The following ACOX1 variants were observed in gnomAD, a reference collection of about 807,000 sequenced individuals.
ACOX1 encodes the protein acyl-CoA oxidase 1, also known as peroxisomal acyl-coenzyme A oxidase 1.
ACOX1 carries 41 observed loss-of-function variants against 75.5 expected under a neutral mutation model. The observed-to-expected ratio is 0.54, with a 90% confidence interval of 0.42 to 0.70. The LOEUF (loss-of-function observed/expected upper bound fraction) is 0.70, where lower values mean the gene tolerates loss of function less well. ACOX1 is among the 30% of genes least tolerant of loss of function. The pLI is 0.00. For synonymous variants in ACOX1, 303 were observed against 298.8 expected, an observed-to-expected ratio of 1.01 and a Z score of -0.15; for missense variants, 630 against 837.5, an observed-to-expected ratio of 0.75 and a Z score of 3.06.
At chr17:75,975,898 A>G (rs76807558) in intron 2 of ACOX1, among the ~76,000 whole-genome samples, 3,043 of 150,958 alleles carry the variant, frequency 0.02, 91 homozygotes, top group African/African-American at 0.069. Context: ...AAAGAAAAAG[A>G]AAGAGGAAGA....
intron 2 of ACOX1, among the ~76,000 whole-genome samples, chr17:75,967,193 GGGCGTGGT>G (rs1168006452): frequency 3.3e-5 from 5 of 151,988 alleles, no homozygotes; most frequent in African/African-American, 1.2e-4. Flanking sequence ...AGAAGAGGCC[GGGCGTGGT>G]GGCTCACGCC....
At chr17:75,953,661 C>G (rs1427049067) in intron 6 of ACOX1, 41 bp from the exon 7 acceptor site, 2 of 1,611,244 alleles carry the variant, frequency 1.2e-6, no homozygotes, top group African/African-American at 1.3e-5. Flanking sequence ...TTCTTTTAAG[C>G]CCAAGAGGCA....
chr17:75,966,839 TAGA>T (rs1487797054), intron 2 of ACOX1, among the ~76,000 whole-genome samples: 1 of 151,982 alleles, frequency 6.6e-6, no homozygotes, highest in African/African-American at 2.4e-5. Flanking sequence ...AAATTTATGT[TAGA>T]AGAAAAACAA....
intron 7 of ACOX1, 36 bp from the exon 8 acceptor site, chr17:75,951,613 A>C: frequency 1.9e-6 from 3 of 1,607,484 alleles, no homozygotes; most frequent in Non-Finnish European, 2.6e-6. Context: ...AGTAGTAAGT[A>C]AATGTTTATA....
At chr17:75,953,265 G>C (rs1163847704) in intron 7 of ACOX1, 186 bp downstream of exon 7, 3 of 600,446 alleles carry the variant, frequency 5.0e-6, no homozygotes, top group African/African-American at 1.9e-5. Context: ...TTATAGCAAG[G>C]GTGGTTATTT....
At chr17:75,963,165 A>C (rs2065901469) in intron 2 of ACOX1, among the ~76,000 whole-genome samples, 1 of 152,050 alleles carries the variant, frequency 6.6e-6, no homozygotes, top group Non-Finnish European at 1.5e-5. Context: ...CAGACACTGG[A>C]GGCTCCAGAA....
At chr17:75,946,881 T>C in intron 13 of ACOX1, 86 bp from the exon 14 acceptor site, 1 of 1,325,150 alleles carries the variant, frequency 7.5e-7, no homozygotes, top group South Asian at 1.2e-5. Context: ...TTTTTGTTTT[T>C]TTTTTGAGAC....
chr17:75,970,450 G>A (rs2065983869), intron 2 of ACOX1, among the ~76,000 whole-genome samples: 1 of 152,116 alleles, frequency 6.6e-6, no homozygotes, highest in Non-Finnish European at 1.5e-5. Context: ...CTTTGATTAT[G>A]GCTCCCAGAC....
chr17:75,953,501 G>A lies in ACOX1; in HGVS notation c.894C>T (p.Thr298=), dbSNP rs1292535240. 1 of 1,614,134 alleles carries A rather than the reference G, an allele frequency of 6.2e-7. No homozygotes were observed. The highest frequency in any genetic ancestry group is 2.2e-5 in the East Asian group (1 of 44,886). The part of the protein sequence containing the change: ...EAARALSKAC[T]IAIRYSAVRH... The stretch of plus-strand genomic sequence containing the variant: ...TCACAGCGCTGTATCGGATGGCAAT[G>A]GTGCACGCCTTAGACAGAGCCCGAG... Residue 298 remains threonine (T), a synonymous_variant, in exon 7 of 14, where the codon ACC becomes ACT. Coordinates refer to ENST00000293217, the MANE Select transcript of ACOX1 (RefSeq NM_004035.7).
At chr17:75,959,395 A>G (rs1271476044) in intron 3 of ACOX1, among the ~76,000 whole-genome samples, 1 of 152,252 alleles carries the variant, frequency 6.6e-6, no homozygotes, top group Non-Finnish European at 1.5e-5. Flanking sequence ...AAAATCCTGT[A>G]AAATACTATT....
chr17:75,972,344 A>AAAG (rs1555619544), intron 2 of ACOX1, among the ~76,000 whole-genome samples: 15 of 134,404 alleles, frequency 1.1e-4, no homozygotes, highest in East Asian at 4.6e-4. Flanking sequence ...AAAAAAAAAA[A>AAAG]GGAAGGATCT....
intron 2 of ACOX1, among the ~76,000 whole-genome samples, chr17:75,975,450 T>C (rs1158593569): frequency 6.6e-6 from 1 of 152,138 alleles, no homozygotes. Flanking sequence ...TGAGCCACCA[T>C]GCCCCAGTCC....
chr17:75,952,950 C>T lies in ACOX1; in HGVS notation c.944+501G>A, dbSNP rs886636241. 2.0e-5 allele frequency among the ~76,000 whole-genome samples: 3 copies of T among 152,052 alleles called. 1 individual carries two copies. Among genetic ancestry groups the T allele is most frequent in the African/African-American group, 2.4e-5 (1 of 41,400 alleles). On this transcript the variant is annotated intron_variant, in intron 7 of 13. Coordinates refer to ENST00000293217, the MANE Select transcript of ACOX1 (RefSeq NM_004035.7). ...TTAGCCTCCCAAAGTGCTGGGATTA[C>T]AGGTGTCAGCTACCACACCTGGCCA...
At chr17:75,963,376 A>T (rs765765944) in intron 2 of ACOX1, among the ~76,000 whole-genome samples, 17 of 152,030 alleles carry the variant, frequency 1.1e-4, no homozygotes, top group Non-Finnish European at 2.2e-4. Flanking sequence ...CTAGCTGGGG[A>T]AATTACTGCA....
At chr17:75,949,426 G>T (rs2065752759) in intron 11 of ACOX1, 66 bp from the exon 12 acceptor site, 1 of 1,608,022 alleles carries the variant, frequency 6.2e-7, no homozygotes, top group African/African-American at 1.3e-5. Flanking sequence ...ACAGTGACTA[G>T]GGTTTCTGTA....
chr17:75,957,663 C>A, intron 3 of ACOX1, 97 bp from the exon 4 acceptor site: 1 of 862,370 alleles, frequency 1.2e-6, no homozygotes, highest in East Asian at 2.6e-5. Context: ...TCTCATATCT[C>A]AGAGAAAAAC....
chr17:75,947,938 C>T (rs1452151882), intron 13 of ACOX1, among the ~76,000 whole-genome samples: 4 of 152,056 alleles, frequency 2.6e-5, no homozygotes, highest in African/African-American at 9.7e-5. Context: ...AGGCTAGTCT[C>T]GAACTCCTGA....
intron 6 of ACOX1, among the ~76,000 whole-genome samples, chr17:75,954,509 ACTCT>A (rs200331062): frequency 2.3e-5 from 3 of 127,672 alleles, no homozygotes; most frequent in South Asian, 2.5e-4. Flanking sequence ...GGTGACAGAG[ACTCT>A]CTCTCTCAAA....
chr17:75,978,632 G>C lies in ACOX1; in HGVS notation c.171C>G (p.Ser57Arg). Reference protein sequence around the residue: ...QHEDLNFLTRSQRYEVAVRKS... With the variant: ...QHEDLNFLTRRQRYEVAVRKS... ...TCCTGACAGCCACCTCATAACGCTG[G>C]CTGCGAGTGAGGAAGTTCAAGTCCT... is the stretch of plus-strand genomic sequence containing the variant. Residue 57 changes from serine to arginine, a missense_variant, in exon 2 of 14, where the codon AGC becomes AGG. By Grantham distance (110) the Ser-to-Arg change is moderately radical (BLOSUM62 -1). Coordinates refer to ENST00000293217, the MANE Select transcript of ACOX1 (RefSeq NM_004035.7). This position sits in a 1 kb window ranked among gnomAD's most constrained non-coding sequence, Gnocchi z 4.2. 1 of 1,614,170 alleles carries C rather than the reference G, an allele frequency of 6.2e-7. No individual in the cohort carries two copies. The highest frequency in any genetic ancestry group is 8.5e-7 in the Non-Finnish European group (1 of 1,180,040).
Sources: gnomAD v4.1 joint callset for allele counts (sites outside exome capture counted in the v4.1 genomes callset) on GRCh38, gnomAD v4.1.1 for gene constraint, Gnocchi (gnomAD v3.1) non-coding constraint, MANE v1.5 for transcripts, NCBI Gene and HGNC (gene_info 2026-07-23, HGNC 2026-07-21) for gene names.